WASF1: variants seen among roughly 807,000 people sequenced by gnomAD.
WASF1 encodes actin-binding protein WASF1.
Under a neutral mutation model 50.5 loss-of-function variants are expected in WASF1, and 7 were observed. That is an observed-to-expected ratio of 0.14 (90% CI 0.08 to 0.26). WASF1 has a LOEUF of 0.26. Ranked by LOEUF, WASF1 falls within the 10% of genes least tolerant of loss-of-function variation. The pLI is 1.00. For synonymous variants in WASF1, 205 were observed against 244.0 expected (o/e 0.84, Z 1.49); for missense variants, 470 against 694.7 (o/e 0.68, Z 3.64).
intron 2 of WASF1, among the ~76,000 whole-genome samples, chr6:110,166,708 G>C (rs1457851403): frequency 6.6e-6 from 1 of 151,832 alleles, no homozygotes; most frequent in Non-Finnish European, 1.5e-5. Context: ...TCTGACCACA[G>C]ATCAGATGGG....
chr6:110,102,026 C>T lies in WASF1; in HGVS notation c.1084G>A (p.Ala362Thr). The T allele has an allele frequency of 6.6e-7, 1 of 1,524,726 alleles. No homozygotes were observed. The highest frequency in any genetic ancestry group is 8.8e-7 in the Non-Finnish European group (1 of 1,136,712). The allele number at this position is 1,524,726 out of a possible 1,614,324, so 94.4% of individuals were successfully genotyped here. A position where few individuals can be genotyped will look rare whatever the true frequency, so the allele number is the denominator to read the frequency against. Reference sequence around the variant, plus strand: ...GGTGGTACTGCTGGAGCTTGCAAAGCAGTGGCTGGAGGTGGAGGTGGGGGA... The same window carrying T: ...GGTGGTACTGCTGGAGCTTGCAAAGTAGTGGCTGGAGGTGGAGGTGGGGGA... Reference protein sequence around the residue: ...VPPPPPPPATALQAPAVPPPP... With the variant: ...VPPPPPPPATTLQAPAVPPPP... Residue 362 changes from alanine to threonine, a missense_variant, in exon 10 of 11, where the codon GCT becomes ACT. Transcript: ENST00000392589.
At chr6:110,134,578 C>A (rs539675180) in intron 3 of WASF1, among the ~76,000 whole-genome samples, 1 of 152,078 alleles carries the variant, frequency 6.6e-6, no homozygotes, top group African/African-American at 2.4e-5. Flanking sequence ...GTGCCCACCA[C>A]CACGCCTGGC....
intron 7 of WASF1, 134 bp downstream of exon 7, chr6:110,106,943 T>C (rs1456822399): frequency 4.6e-6 from 3 of 652,266 alleles, no homozygotes; most frequent in Non-Finnish European, 7.8e-6. Flanking sequence ...TGTGGAGTTA[T>C]AAAGACTTCA....
intron 3 of WASF1, among the ~76,000 whole-genome samples, chr6:110,149,362 C>T (rs779719400): frequency 2.0e-5 from 3 of 151,840 alleles, no homozygotes. Flanking sequence ...CACCTGACTT[C>T]TAGAATAGAG....
At chr6:110,142,302 C>T (rs1775280759) in intron 3 of WASF1, among the ~76,000 whole-genome samples, 2 of 151,104 alleles carry the variant, frequency 1.3e-5, no homozygotes, top group South Asian at 2.1e-4. Flanking sequence ...TTATCCAAAT[C>T]GCAAAAGAAA....
chr6:110,110,421 G>A (rs1253122326), intron 5 of WASF1, among the ~76,000 whole-genome samples: 3 of 152,112 alleles, frequency 2.0e-5, no homozygotes, highest in East Asian at 1.9e-4. Context: ...CCACTCTCCT[G>A]CCCCACTTAT....
In WASF1 at chr6:110,102,053, G is replaced by C; in HGVS notation, c.1057C>G (p.Pro353Ala). The C allele has an allele frequency of 6.6e-7, 1 of 1,521,250 alleles. No individual in the cohort carries two copies. Among genetic ancestry groups the C allele is most frequent in the Non-Finnish European group, 8.8e-7 (1 of 1,136,116 alleles). The allele number at this position is 1,521,250 out of a possible 1,614,324, so 94.2% of individuals were successfully genotyped here. ...SMTSTPPPPV[P>A]PPPPPPATAL... is the part of the protein sequence containing the mutation. Reference sequence around the variant, plus strand: ...GTGGCTGGAGGTGGAGGTGGGGGAGGTACTGGAGGGGGAGGAGTTGAAGTC... The same window carrying C: ...GTGGCTGGAGGTGGAGGTGGGGGAGCTACTGGAGGGGGAGGAGTTGAAGTC... The change falls in exon 10 of 11, where the codon CCT (proline) becomes GCT (alanine). Residue 353 changes from proline (P) to alanine (A), a missense_variant. Around this residue, in one of 3 missense-constraint regions of WASF1, gnomAD observed 294 missense variants for 343.5 expected, o/e 0.86. Coordinates refer to ENST00000392589, the MANE Select transcript of WASF1 (RefSeq NM_003931.3).
rs904105112 is a variant in WASF1 at position 110,103,477 on chromosome 6, G to C, written c.794C>G (p.Thr265Ser). 7.4e-6 allele frequency: 12 copies of C among 1,613,902 alleles called. No homozygotes were observed. Among genetic ancestry groups the C allele is most frequent in the African/African-American group, 1.3e-5 (1 of 74,896 alleles). ...GACTAATACCCTTTCCTCAGCTCTA[G>C]TCAGAAGCTCACTCATCTGACTAAA... ...LPFSQMSELLTRAEERVLVRP... is the reference protein window; with the variant it reads ...LPFSQMSELLSRAEERVLVRP... The change falls in exon 9 of 11, where the codon ACT becomes AGT. Residue 265 changes from threonine (T) to serine (S), a missense_variant. By Grantham distance (58) the Thr-to-Ser change is moderately conservative (BLOSUM62 1). Transcript: ENST00000392589.
chr6:110,102,711 G>A (rs1773148536), intron 9 of WASF1, among the ~76,000 whole-genome samples: 1 of 148,980 alleles, frequency 6.7e-6, no homozygotes, highest in Non-Finnish European at 1.5e-5. Context: ...TCCTGAGGAT[G>A]GAACACCAAA....
At chr6:110,115,287 A>T (rs1773751536) in intron 4 of WASF1, among the ~76,000 whole-genome samples, 1 of 151,854 alleles carries the variant, frequency 6.6e-6, no homozygotes, top group African/African-American at 2.4e-5. Flanking sequence ...GAAGGGACAC[A>T]CTAACTCTAT....
intron 3 of WASF1, among the ~76,000 whole-genome samples, chr6:110,138,532 C>T (rs568996292): frequency 3.0e-4 from 45 of 152,324 alleles, no homozygotes; most frequent in Admixed American, 6.5e-4. Flanking sequence ...CATCACTGAG[C>T]GACAGAACAG....
intron 3 of WASF1, among the ~76,000 whole-genome samples, chr6:110,137,265 T>C (rs1391234143): frequency 6.6e-6 from 1 of 152,212 alleles, no homozygotes; most frequent in African/African-American, 2.4e-5. Context: ...CCTTCAAATC[T>C]AGGCATCATC....
intron 7 of WASF1, among the ~76,000 whole-genome samples, chr6:110,106,208 A>G (rs1773317843): frequency 6.6e-6 from 1 of 152,238 alleles, no homozygotes; most frequent in Non-Finnish European, 1.5e-5. Flanking sequence ...GTCGGGTGTA[A>G]GATGGGGCAT....
chr6:110,124,245 T>TCCTTC (rs1562170338), intron 4 of WASF1, among the ~76,000 whole-genome samples: 1 of 39,484 alleles, frequency 2.5e-5, no homozygotes, highest in Admixed American at 3.0e-4. Flanking sequence ...CCTCTCTCTC[T>TCCTTC]CTCTCTCTCT....
At chr6:110,131,780 G>A (rs564677412) in intron 3 of WASF1, among the ~76,000 whole-genome samples, 7 of 152,176 alleles carry the variant, frequency 4.6e-5, no homozygotes, top group Non-Finnish European at 1.0e-4. Flanking sequence ...TAGAATTACA[G>A]GCTTGAGCCA....
chr6:110,155,282 G>C (rs901413757), intron 3 of WASF1, among the ~76,000 whole-genome samples: 1 of 151,642 alleles, frequency 6.6e-6, no homozygotes, highest in Non-Finnish European at 1.5e-5. Flanking sequence ...GCTTTTTATC[G>C]GCTATAAGCA....
intron 3 of WASF1, among the ~76,000 whole-genome samples, chr6:110,133,197 T>C (rs952326464): frequency 2.0e-5 from 3 of 152,136 alleles, no homozygotes; most frequent in Non-Finnish European, 4.4e-5. Context: ...TGTGCTGCTA[T>C]ATACATACTA....
At chr6:110,135,201 T>G (rs12662027) in intron 3 of WASF1, among the ~76,000 whole-genome samples, 11,098 of 152,220 alleles carry the variant, frequency 0.073, 549 homozygotes, top group African/African-American at 0.14. Context: ...CAGTGCTACT[T>G]ATTTGTGTAT....
intron 3 of WASF1, among the ~76,000 whole-genome samples, chr6:110,129,660 T>A (rs1774573754): frequency 6.6e-6 from 1 of 151,514 alleles, no homozygotes; most frequent in South Asian, 2.1e-4. Context: ...ACAGAAAAGA[T>A]GCTCACTTTG....
Sources: gnomAD v4.1 joint callset for allele counts (sites outside exome capture counted in the v4.1 genomes callset) on GRCh38, gnomAD v4.1.1 for gene constraint, gnomAD v4.1.1 regional missense constraint, MANE v1.5 for transcripts, NCBI Gene and HGNC (gene_info 2026-07-23, HGNC 2026-07-21) for gene names.